SUCLG2: variants seen among roughly 807,000 people sequenced by gnomAD.
The protein encoded by SUCLG2 is succinate--CoA ligase [GDP-forming] subunit beta, mitochondrial.
SUCLG2 carries 42 observed loss-of-function variants against 47.9 expected under a neutral mutation model. The ratio of observed to expected loss-of-function variants is 0.88; its 90% CI spans 0.69 to 1.14. The LOEUF (loss-of-function observed/expected upper bound fraction) is 1.14. Ranked by LOEUF, SUCLG2 falls within the 50% of genes most tolerant of loss-of-function variation. The pLI, the probability that SUCLG2 is intolerant of heterozygous loss-of-function variation, is 0.00. For synonymous variants in SUCLG2, 195 were observed against 197.3 expected (o/e 0.99, Z 0.10); for missense variants, 571 against 525.9 (o/e 1.09, Z -0.84).
chr3:67,498,163 A>T lies in SUCLG2; in HGVS notation c.890T>A (p.Ile297Lys). The T allele has an allele frequency of 6.2e-7, 1 of 1,613,020 alleles. No individual in the cohort carries two copies. Among genetic ancestry groups the T allele is most frequent in the Non-Finnish European group, 8.5e-7 (1 of 1,179,604 alleles). ...GCAGGCAATGTTCCCATCTAGTCCT[A>T]TGTATTTTAGATCATATTTGGCAGC... Reference protein sequence around the residue: ...NEAAKYDLKYIGLDGNIACFV... With the variant: ...NEAAKYDLKYKGLDGNIACFV... Residue 297 changes from isoleucine to lysine, a missense_variant, in exon 8 of 11, where the codon ATA becomes AAA. Coordinates refer to ENST00000307227, the MANE Select transcript of SUCLG2 (RefSeq NM_003848.4).
At chr3:67,418,788 G>T (rs1416019282) in intron 9 of SUCLG2, among the ~76,000 whole-genome samples, 1 of 152,088 alleles carries the variant, frequency 6.6e-6, no homozygotes, top group Admixed American at 6.6e-5. Context: ...TGTAGAGGTG[G>T]GGCTTCCACT....
At chr3:67,619,010 C>G (rs767445319) in intron 1 of SUCLG2, among the ~76,000 whole-genome samples, 12 of 152,146 alleles carry the variant, frequency 7.9e-5, no homozygotes, top group Non-Finnish European at 1.8e-4. Context: ...TCTAAGGCCT[C>G]TAGCAGTAAA....
chr3:67,499,693 C>T (rs372395452), intron 7 of SUCLG2, among the ~76,000 whole-genome samples: 2 of 151,870 alleles, frequency 1.3e-5, no homozygotes, highest in South Asian at 4.2e-4. Flanking sequence ...TTCTGTGATG[C>T]CATGTCATCA....
chr3:67,380,492 T>G (rs1388715981), intron 10 of SUCLG2, among the ~76,000 whole-genome samples: 1 of 152,178 alleles, frequency 6.6e-6, no homozygotes, highest in East Asian at 1.9e-4. Context: ...TCCACAAAAG[T>G]GAATTTTAAT....
At chr3:67,523,256 G>A (rs1706167332) in intron 4 of SUCLG2, among the ~76,000 whole-genome samples, 2 of 152,142 alleles carry the variant, frequency 1.3e-5, no homozygotes. Context: ...AATGAATATA[G>A]AACTCCTCTT....
At chr3:67,564,484 C>A (rs558578289) in intron 2 of SUCLG2, among the ~76,000 whole-genome samples, 1 of 152,350 alleles carries the variant, frequency 6.6e-6, no homozygotes, top group African/African-American at 2.4e-5. Flanking sequence ...CAGGTATAAA[C>A]TCTACATTCA....
rs1207923350 is a variant in SUCLG2, at chr3:67,445,991, G to A, written c.1063-45140C>T. On this transcript the variant is annotated intron_variant, in intron 9 of 10. Coordinates refer to ENST00000307227, the MANE Select transcript of SUCLG2 (RefSeq NM_003848.4). ...GAGGTTGGGATGATGCCTAAGAGAA[G>A]AACCAACTTAGGCTTCTAGACGGAC... Among the ~76,000 whole-genome samples the A allele has an allele frequency of 5.3e-5, 4 of 75,508 alleles. 2 individuals carry two copies. 49.5% of individuals were successfully genotyped at this position (75,508 alleles called of 152,430 possible).
In SUCLG2 at chr3:67,624,403, G is replaced by A. The variant is rs777088659; in HGVS notation, c.85-14807C>T. ...TTTAGAAAGACATTTCATTCTTGTT[G>A]ATGAATAAAATACTACTGCTATGGA... On this transcript the variant is annotated intron_variant, in intron 1 of 10. Transcript: ENST00000307227. Among the ~76,000 whole-genome samples the A allele has an allele frequency of 1.8e-4, 27 of 152,192 alleles. 1 individual carries two copies. The highest frequency in any genetic ancestry group is 1.5e-5 in the Non-Finnish European group (1 of 68,034).
At chr3:67,386,451 T>C (rs1003664737) in intron 10 of SUCLG2, among the ~76,000 whole-genome samples, 1 of 151,946 alleles carries the variant, frequency 6.6e-6, no homozygotes, top group African/African-American at 2.4e-5. Context: ...TCTACTGTAT[T>C]AGTCTGTTCT....
chr3:67,491,092 C>T (rs1012053970), intron 9 of SUCLG2, among the ~76,000 whole-genome samples: 5 of 151,970 alleles, frequency 3.3e-5, no homozygotes, highest in African/African-American at 9.7e-5. Flanking sequence ...GAGGCCCAGG[C>T]GGGAGGACCC....
At chr3:67,474,084 G>C (rs925429394) in intron 9 of SUCLG2, among the ~76,000 whole-genome samples, 1 of 152,024 alleles carries the variant, frequency 6.6e-6, no homozygotes, top group Non-Finnish European at 1.5e-5. Context: ...GGTGAAACCC[G>C]TCTTTACTAA....
intron 9 of SUCLG2, among the ~76,000 whole-genome samples, chr3:67,430,619 C>G (rs1023643979): frequency 3.3e-5 from 5 of 152,004 alleles, no homozygotes; most frequent in South Asian, 2.1e-4. Flanking sequence ...AACTGAAGGA[C>G]ATAGAGACAC....
chr3:67,583,305 G>A (rs1031833811), intron 2 of SUCLG2, among the ~76,000 whole-genome samples: 3 of 152,120 alleles, frequency 2.0e-5, no homozygotes, highest in Non-Finnish European at 2.9e-5. Context: ...CATCCTCCCC[G>A]CTTGCCTGCC....
intron 9 of SUCLG2, among the ~76,000 whole-genome samples, chr3:67,409,669 T>TAA (rs201862615): frequency 0.02 from 2,989 of 152,242 alleles, 95 homozygotes; most frequent in African/African-American, 0.068. Flanking sequence ...GCCCCTCCTT[T>TAA]AATAACTTTT....
At chr3:67,521,845 G>C (rs577941375) in intron 4 of SUCLG2, among the ~76,000 whole-genome samples, 2 of 151,884 alleles carry the variant, frequency 1.3e-5, no homozygotes, top group South Asian at 4.2e-4. Context: ...GTCTTGAACT[G>C]CTGACTTCAA....
intron 1 of SUCLG2, among the ~76,000 whole-genome samples, chr3:67,647,305 T>C (rs951817082): frequency 2.6e-5 from 4 of 152,178 alleles, no homozygotes; most frequent in Admixed American, 1.3e-4. Context: ...ATGTTAGAAA[T>C]CTATGCATTT....
chr3:67,606,556 G>A (rs567185242), intron 2 of SUCLG2, among the ~76,000 whole-genome samples: 1 of 152,114 alleles, frequency 6.6e-6, no homozygotes, highest in African/African-American at 2.4e-5. Context: ...AAACAAAAAT[G>A]ATCCTTTCTT....
chr3:67,429,013 T>A (rs937639597), intron 9 of SUCLG2, among the ~76,000 whole-genome samples: 32 of 152,134 alleles, frequency 2.1e-4, no homozygotes, highest in African/African-American at 6.0e-4. Context: ...TGGAACCAAG[T>A]TGGAAAACAC....
At chr3:67,653,641 T>C (rs887508248) in intron 1 of SUCLG2, among the ~76,000 whole-genome samples, 2 of 152,236 alleles carry the variant, frequency 1.3e-5, no homozygotes, top group South Asian at 2.1e-4. Flanking sequence ...TGTGGCTGAA[T>C]CCCAGACTGT....
Sources: allele counts gnomAD v4.1 joint callset (sites outside exome capture counted in the v4.1 genomes callset), GRCh38; gene constraint gnomAD v4.1.1; transcripts MANE v1.5; gene names NCBI Gene and HGNC (gene_info 2026-07-23, HGNC 2026-07-21).